Variants in SLC4A10 observed in about 807,000 individuals in gnomAD.
SLC4A10 encodes the protein solute carrier family 4 member 10.
Under a neutral mutation model 137.7 loss-of-function variants are expected in SLC4A10, and 42 were observed. The observed-to-expected ratio is 0.30, with a 90% CI of 0.24 to 0.39. The LOEUF (loss-of-function observed/expected upper bound fraction) is 0.39. SLC4A10 is among the 10% of genes least tolerant of loss of function. The pLI, the probability that SLC4A10 is intolerant of heterozygous loss-of-function variation, is 1.00. For missense variants in SLC4A10, 925 were observed against 1,355.0 expected (o/e 0.68, Z 4.98); for synonymous variants, 474 against 464.1 (o/e 1.02, Z -0.27).
At position 161,972,070 on chromosome 2, in the gene SLC4A10, T is replaced by G. The variant is rs575654119; in HGVS notation, c.3160-2179T>G. ...TGACGGCACTGTTCTTCTCTTCAGC[T>G]TTTTTGCATTTTACTCTTTCTTAAA... On this transcript the variant is annotated intron_variant, in intron 23 of 26. Transcript: ENST00000446997. 7.2e-5 allele frequency among the ~76,000 whole-genome samples: 11 copies of G among 152,318 alleles called. No individual in the cohort carries two copies. In the South Asian group the frequency reaches 1.5e-3, roughly 20 times the overall value.
intron 1 of SLC4A10, among the ~76,000 whole-genome samples, chr2:161,625,719 G>A (rs2032203576): frequency 6.6e-6 from 1 of 152,074 alleles, no homozygotes; most frequent in Admixed American, 6.6e-5. Context: ...GCTGCAAAAA[G>A]ATTCCAGTTT....
At chr2:161,672,601 C>T (rs927085265) in intron 1 of SLC4A10, among the ~76,000 whole-genome samples, 3 of 151,892 alleles carry the variant, frequency 2.0e-5, no homozygotes, top group East Asian at 3.9e-4. Context: ...GCTTTTACTT[C>T]GAGGGGTGAC....
In SLC4A10 at chr2:161,749,229, A is replaced by T. The variant is rs540354365; in HGVS notation, c.49-21744A>T. 2.0e-5 allele frequency among the ~76,000 whole-genome samples: 3 copies of T among 152,068 alleles called. No individual in the cohort carries two copies. The East Asian group carries it at 5.8e-4, about 29-fold the overall frequency. ...AGAATTATGTCATCTATAAACAGGG[A>T]TACATTTTCTTTTTTCTTCCAATGT... On this transcript the variant is annotated intron_variant, in intron 1 of 26. Coordinates refer to ENST00000446997, the MANE Select transcript of SLC4A10 (RefSeq NM_001178015.2).
chr2:161,715,655 T>G (rs186460800), intron 1 of SLC4A10, among the ~76,000 whole-genome samples: 408 of 152,246 alleles, frequency 2.7e-3, no homozygotes, highest in Non-Finnish European at 4.5e-3. Flanking sequence ...TCCATATCCC[T>G]GTAAAAGACA....
chr2:161,916,826 T>C (rs1687206869), intron 15 of SLC4A10, among the ~76,000 whole-genome samples: 2 of 152,182 alleles, frequency 1.3e-5, no homozygotes, highest in Non-Finnish European at 2.9e-5. Context: ...ACTCGAGAAC[T>C]TTCTGTGAAA....
intron 12 of SLC4A10, 79 bp from the exon 13 acceptor site, chr2:161,903,925 G>A: frequency 7.2e-7 from 1 of 1,390,568 alleles, no homozygotes; most frequent in Non-Finnish European, 9.7e-7. Context: ...CTGTGACCTG[G>A]CAACAAAGCA....
chr2:161,901,006 T>C lies in SLC4A10; in HGVS notation c.1437T>C (p.Thr479=). The change falls in exon 12 of 27, where the codon ACT becomes ACC. Residue 479 remains threonine (T), a synonymous_variant. Coordinates refer to ENST00000446997, the MANE Select transcript of SLC4A10 (RefSeq NM_001178015.2). ...ATAGTGGACCTGAACTCCAGCGAAC[T>C]GGAAGGTTAGTGAAAATCACTTCTA... is the stretch of plus-strand genomic sequence containing the variant. ...GGHSGPELQR[T]GRIFGGLILD... 2 of 1,560,602 alleles carry C rather than the reference T, an allele frequency of 1.3e-6. No homozygotes were observed. The highest frequency in any genetic ancestry group is 2.4e-5 in the South Asian group (2 of 84,480).
intron 10 of SLC4A10, among the ~76,000 whole-genome samples, chr2:161,891,904 T>G (rs1199763575): frequency 1.3e-5 from 2 of 151,988 alleles, no homozygotes. Context: ...TTCAGCCTTT[T>G]TGTGCTGAAA....
chr2:161,854,826 T>G, intron 4 of SLC4A10, 144 bp from the exon 5 acceptor site: 2 of 674,956 alleles, frequency 3.0e-6, no homozygotes, highest in Admixed American at 8.4e-5. Flanking sequence ...GCCAAATGGC[T>G]TAGACTAGCT....
intron 13 of SLC4A10, among the ~76,000 whole-genome samples, chr2:161,904,387 C>A (rs1477259401): frequency 6.6e-6 from 1 of 152,092 alleles, no homozygotes; most frequent in East Asian, 1.9e-4. Context: ...CTGAGTCTTA[C>A]AAAAGGTTCT....
At chr2:161,973,844 C>T (rs1435534649) in intron 23 of SLC4A10, among the ~76,000 whole-genome samples, 1 of 152,208 alleles carries the variant, frequency 6.6e-6, no homozygotes, top group Admixed American at 6.5e-5. Flanking sequence ...GTTTGAGAAA[C>T]ACTGTTCTGA....
intron 4 of SLC4A10, among the ~76,000 whole-genome samples, chr2:161,848,882 A>G (rs138308748): frequency 0.016 from 2,480 of 152,202 alleles, 68 homozygotes; most frequent in African/African-American, 0.057. Context: ...TTGGTTCCAT[A>G]TGAATTTTAG....
In SLC4A10 at chr2:161,827,716, C is replaced by T. The variant is rs192129359; in HGVS notation, c.278-12073C>T. On this transcript the variant is annotated intron_variant, in intron 3 of 26. Coordinates refer to ENST00000446997, the MANE Select transcript of SLC4A10 (RefSeq NM_001178015.2). ...GAGTAGCTGGGACTACAGGCACGCC[C>T]GCACCAGGCCGGCTAATTTTTTGTA... 5.4e-4 allele frequency among the ~76,000 whole-genome samples: 81 copies of T among 150,296 alleles called. 1 individual carries two copies. In the East Asian group the frequency reaches 0.013, roughly 23 times the overall value.
chr2:161,922,277 T>A (rs939205852), intron 15 of SLC4A10, among the ~76,000 whole-genome samples: 1 of 152,110 alleles, frequency 6.6e-6, no homozygotes, highest in African/African-American at 2.4e-5. Context: ...TGTGGTGGTG[T>A]TTTACAAAGC....
rs138292471 is a variant in SLC4A10, at chr2:161,823,849, G to A, written c.278-15940G>A. On this transcript the variant is annotated intron_variant, in intron 3 of 26. Transcript: ENST00000446997. ...AAGGAAGAGAACATCAGTATTTAAAGCAGAAAGGAATAGGCTAACTACTGT... is the reference window on the plus strand; with the variant it reads ...AAGGAAGAGAACATCAGTATTTAAAACAGAAAGGAATAGGCTAACTACTGT... 2.3e-3 allele frequency among the ~76,000 whole-genome samples: 347 copies of A among 152,312 alleles called. 1 individual carries two copies. Among genetic ancestry groups the A allele is most frequent in the African/African-American group, 7.8e-3 (325 of 41,570 alleles).
intron 1 of SLC4A10, among the ~76,000 whole-genome samples, chr2:161,755,733 A>G (rs1478977902): frequency 6.8e-6 from 1 of 146,080 alleles, no homozygotes; most frequent in Non-Finnish European, 1.5e-5. Context: ...GCCAAATACT[A>G]TTTTCTTTAC....
At chr2:161,766,457 A>G (rs1173934696) in intron 1 of SLC4A10, among the ~76,000 whole-genome samples, 3 of 152,110 alleles carry the variant, frequency 2.0e-5, no homozygotes, top group African/African-American at 7.2e-5. Context: ...CCTTTTACAC[A>G]AAGCTTTCCA....
At chr2:161,786,067 T>C (rs970589839) in intron 2 of SLC4A10, among the ~76,000 whole-genome samples, 2 of 151,956 alleles carry the variant, frequency 1.3e-5, no homozygotes, top group Admixed American at 6.6e-5. Context: ...TTTTCTGAGG[T>C]CTAATGGCAT....
chr2:161,656,531 G>T (rs2037557724), intron 1 of SLC4A10, among the ~76,000 whole-genome samples: 1 of 152,072 alleles, frequency 6.6e-6, no homozygotes, highest in African/African-American at 2.4e-5. Flanking sequence ...TAAAACAAAT[G>T]TGATCACTAC....
Sources: allele counts gnomAD v4.1 joint callset (sites outside exome capture counted in the v4.1 genomes callset), GRCh38; gene constraint gnomAD v4.1.1; transcripts MANE v1.5; gene names NCBI Gene and HGNC (gene_info 2026-07-23, HGNC 2026-07-21).